CA9: variants seen among roughly 807,000 people sequenced by gnomAD.
CA9 encodes CA-IX.
Under a neutral mutation model 51.8 loss-of-function variants are expected in CA9, and 43 were observed. The ratio of observed to expected loss-of-function variants is 0.83; its 90% CI spans 0.65 to 1.07. The LOEUF (loss-of-function observed/expected upper bound fraction) is 1.07, where lower values mean the gene tolerates loss of function less well. CA9 is among the 50% of genes least tolerant of loss of function. The pLI is 0.00. For synonymous variants in CA9, 253 were observed against 244.2 expected (o/e 1.04, Z -0.34); for missense variants, 574 against 581.4 (o/e 0.99, Z 0.13).
Position 35,676,290 on chromosome 9 carries a change from T to G in CA9, c.748-7T>G. On this transcript the variant is annotated splice_polypyrimidine_tract_variant and splice_region_variant and intron_variant, in intron 4 of 10. Coordinates refer to ENST00000378357, the MANE Select transcript of CA9 (RefSeq NM_001216.3). ...GTGGCCCTCTCCTACCCTCGTGTCCTTTTCAGATCCACGTGGTTCACCTCA... is the reference window on the plus strand; with the variant it reads ...GTGGCCCTCTCCTACCCTCGTGTCCGTTTCAGATCCACGTGGTTCACCTCA... The G allele has an allele frequency of 2.5e-6, 4 of 1,613,874 alleles. No homozygotes were observed. Among genetic ancestry groups the G allele is most frequent in the Non-Finnish European group, 3.4e-6 (4 of 1,179,942 alleles).
chr9:35,679,421 G>T (rs770133575), intron 7 of CA9, 79 bp downstream of exon 7: 2 of 1,519,948 alleles, frequency 1.3e-6, no homozygotes, highest in Non-Finnish European at 1.8e-6. Context: ...GGAGAAGAAA[G>T]AAATCAAGGC....
Position 35,674,010 on chromosome 9 carries a change from T to A in CA9, c.51T>A (p.Pro17=). 1 of 1,613,292 alleles carries A rather than the reference T, an allele frequency of 6.2e-7. No individual in the cohort carries two copies. Among genetic ancestry groups the A allele is most frequent in the Non-Finnish European group, 8.5e-7 (1 of 1,179,574 alleles). ...GGCTCCCTCTGTTGATCCCGGCCCC[T>A]GCTCCAGGCCTCACTGTGCAACTGC... ...SPWLPLLIPA[P]APGLTVQLLL... Residue 17 remains proline (P), a synonymous_variant, in exon 1 of 11, where the codon CCT becomes CCA. Transcript: ENST00000378357.
intron 3 of CA9, 57 bp from the exon 4 acceptor site, chr9:35,676,007 C>G: frequency 6.2e-7 from 1 of 1,604,994 alleles, no homozygotes; most frequent in Non-Finnish European, 8.5e-7. Flanking sequence ...AGTGCCTGCC[C>G]GGGGGTTGGG....
rs1271157088 is a variant in CA9, at chr9:35,673,955, G to A, written c.-5G>A. 1 of 1,589,474 alleles carries A rather than the reference G, an allele frequency of 6.3e-7. No individual in the cohort carries two copies. The highest frequency in any genetic ancestry group is 1.3e-5 in the African/African-American group (1 of 74,674). On this transcript the variant is annotated 5_prime_UTR_variant, in exon 1 of 11. Coordinates refer to ENST00000378357, the MANE Select transcript of CA9 (RefSeq NM_001216.3). ...CGTGTGCTGGGACACCCCACAGTCA[G>A]CCGCATGGCTCCCCTGTGCCCCAGC...
intron 7 of CA9, 84 bp downstream of exon 7, chr9:35,679,426 C>A: frequency 1.3e-6 from 2 of 1,499,316 alleles, no homozygotes; most frequent in South Asian, 1.3e-5. Context: ...AGAAAGAAAT[C>A]AAGGCTGGGC....
chr9:35,676,280 C>T lies in CA9; in HGVS notation c.748-17C>T, dbSNP rs780841220. On this transcript the variant is annotated splice_polypyrimidine_tract_variant and intron_variant, in intron 4 of 10. Coordinates refer to ENST00000378357, the MANE Select transcript of CA9 (RefSeq NM_001216.3). The stretch of plus-strand genomic sequence containing the variant: ...GGCCAGAGACGTGGCCCTCTCCTAC[C>T]CTCGTGTCCTTTTCAGATCCACGTG... The T allele has an allele frequency of 1.9e-6, 3 of 1,613,886 alleles. No individual in the cohort carries two copies. Among genetic ancestry groups the T allele is most frequent in the Non-Finnish European group, 1.7e-6 (2 of 1,180,010 alleles).
In CA9 at chr9:35,679,848, C is replaced by A. The variant is rs1252109748; in HGVS notation, c.1066-6C>A. On this transcript the variant is annotated splice_polypyrimidine_tract_variant and splice_region_variant and intron_variant, in intron 7 of 10. Coordinates refer to ENST00000378357, the MANE Select transcript of CA9 (RefSeq NM_001216.3). Reference sequence around the variant, plus strand: ...ACCCACCCACACTGTCCACTGACCTCCCTAGCTCCACACCCTCTCTGACAC... The same window carrying A: ...ACCCACCCACACTGTCCACTGACCTACCTAGCTCCACACCCTCTCTGACAC... 6.2e-7 allele frequency: 1 copy of A among 1,600,070 alleles called. No homozygotes were observed. Among genetic ancestry groups the A allele is most frequent in the Non-Finnish European group, 8.5e-7 (1 of 1,173,724 alleles).
At chr9:35,677,246 A>G (rs1587945458) in intron 5 of CA9, among the ~76,000 whole-genome samples, 1 of 152,226 alleles carries the variant, frequency 6.6e-6, no homozygotes, top group African/African-American at 2.4e-5. Flanking sequence ...TCTTAGGTTC[A>G]TAATGTTCTT....
At chr9:35,679,766 G>A (rs1337224544) in intron 7 of CA9, 88 bp from the exon 8 acceptor site, 3 of 1,295,274 alleles carry the variant, frequency 2.3e-6, no homozygotes, top group Non-Finnish European at 3.2e-6. Flanking sequence ...GGAGGGTGGA[G>A]CCCTGAGGTG....
At position 35,675,865 on chromosome 9, in the gene CA9, C is replaced by A. The variant is rs747260316; in HGVS notation, c.538C>A (p.Leu180Met). ...CGCCTTCTGCCCGGCCCTGCGCCCC[C>A]TGGAACTCCTGGGCTTCCAGCTCCC... is the stretch of plus-strand genomic sequence containing the variant. ...LAAFCPALRP[L>M]ELLGFQLPPL... The change falls in exon 3 of 11, where the codon CTG becomes ATG. Residue 180 changes from leucine to methionine, a missense_variant. Physicochemically the swap from Leu to Met is conservative, Grantham distance 15 (BLOSUM62 2). Coordinates refer to ENST00000378357, the MANE Select transcript of CA9 (RefSeq NM_001216.3). The A allele has an allele frequency of 6.2e-7, 1 of 1,606,260 alleles. No individual in the cohort carries two copies. Among genetic ancestry groups the A allele is most frequent in the Non-Finnish European group, 8.5e-7 (1 of 1,179,406 alleles).
chr9:35,680,950 G>A lies in CA9; in HGVS notation c.1320-15G>A. ...GCCAGTTTTCTGATTAGCCTTTCCT[G>A]TTGTGTACACACAGAAGGGGAACCA... On this transcript the variant is annotated splice_polypyrimidine_tract_variant and intron_variant, in intron 10 of 10. Coordinates refer to ENST00000378357, the MANE Select transcript of CA9 (RefSeq NM_001216.3). The A allele has an allele frequency of 6.2e-7, 1 of 1,613,930 alleles. No homozygotes were observed. Among genetic ancestry groups the A allele is most frequent in the South Asian group, 1.1e-5 (1 of 91,050 alleles).
chr9:35,678,729 A>G, intron 6 of CA9, among the ~76,000 whole-genome samples: 1 of 136,132 alleles, frequency 7.3e-6, no homozygotes, highest in East Asian at 2.0e-4. Context: ...TCTTTAGTAG[A>G]GACAGGGTTT....
Position 35,676,381 on chromosome 9 carries a change from T to C in CA9, c.832T>C (p.Phe278Leu). The change falls in exon 5 of 11, where the codon TTT becomes CTT. Residue 278 changes from phenylalanine to leucine, a missense_variant. Coordinates refer to ENST00000378357, the MANE Select transcript of CA9 (RefSeq NM_001216.3). ...GGGAGGCCTGGCCGTGTTGGCCGCC[T>C]TTCTGGAGGTACCAGATCCTGGACA... The part of the protein sequence containing the change: ...RPGGLAVLAA[F>L]LEEGPEENSA... 6.2e-7 allele frequency: 1 copy of C among 1,612,916 alleles called. No homozygotes were observed.
At chr9:35,675,658 T>TGCCCCCCC in intron 2 of CA9, 91 bp downstream of exon 2, 263 of 1,406,564 alleles carry the variant, frequency 1.9e-4, no homozygotes, top group Non-Finnish European at 2.4e-4. Flanking sequence ...GTCCCGGGCG[T>TGCCCCCCC]CCCACCCGCC....
chr9:35,674,509 C>G, intron 1 of CA9, 147 bp downstream of exon 1: 2 of 672,916 alleles, frequency 3.0e-6, no homozygotes, highest in Non-Finnish European at 5.0e-6. Context: ...CCAATATCCC[C>G]ATCCCCACTC....
At chr9:35,679,711 T>C (rs1824494410) in intron 7 of CA9, 143 bp from the exon 8 acceptor site, 1 of 768,906 alleles carries the variant, frequency 1.3e-6, no homozygotes, top group Non-Finnish European at 2.0e-6. Flanking sequence ...TACATTTATT[T>C]ATTTATAAAA....
At position 35,674,366 on chromosome 9, in the gene CA9, A is replaced by G. The variant is rs1258423981; in HGVS notation, c.403+4A>G. On this transcript the variant is annotated splice_donor_region_variant and intron_variant, in intron 1 of 10. Coordinates refer to ENST00000378357, the MANE Select transcript of CA9 (RefSeq NM_001216.3). ...AATGCCCACAGGGACAAAGAAGGTA[A>G]GTGGTCATCAATCTCCAAATCCAGG... 1 of 1,603,966 alleles carries G rather than the reference A, an allele frequency of 6.2e-7. No homozygotes were observed. The highest frequency in any genetic ancestry group is 1.3e-5 in the African/African-American group (1 of 74,322).
In CA9 at chr9:35,676,409, C is replaced by A. The variant is rs1288018873; in HGVS notation, c.840+20C>A. The A allele has an allele frequency of 5.7e-6, 9 of 1,581,586 alleles. No individual in the cohort carries two copies. The highest frequency in any genetic ancestry group is 7.8e-6 in the Non-Finnish European group (9 of 1,153,370). ...CTGGAGGTACCAGATCCTGGACACCCCCTACTCCCCGCTTTCCCATCCCAT... is the reference window on the plus strand; with the variant it reads ...CTGGAGGTACCAGATCCTGGACACCACCTACTCCCCGCTTTCCCATCCCAT... On this transcript the variant is annotated intron_variant, in intron 5 of 10. Transcript: ENST00000378357.
At position 35,675,536 on chromosome 9, in the gene CA9, A is replaced by G. The variant is rs778380723; in HGVS notation, c.404-2A>G. ...AGCGGTTCATCCTTTTCATTTATAC[A>G]GGGGATGACCAGAGTCATTGGCGCT... On this transcript the variant is annotated splice_acceptor_variant, in intron 1 of 10. Coordinates refer to ENST00000378357, the MANE Select transcript of CA9 (RefSeq NM_001216.3). LOFTEE classifies it high-confidence loss of function. The G allele has an allele frequency of 1.1e-5, 17 of 1,614,128 alleles. No individual in the cohort carries two copies. The highest frequency in any genetic ancestry group is 1.4e-5 in the Non-Finnish European group (17 of 1,179,996).
Sources: allele counts gnomAD v4.1 joint callset (sites outside exome capture counted in the v4.1 genomes callset), GRCh38; gene constraint gnomAD v4.1.1; transcripts MANE v1.5; gene names NCBI Gene and HGNC (gene_info 2026-07-23, HGNC 2026-07-21).